The following XIRP2 variants were observed in gnomAD, a reference collection of about 807,000 sequenced individuals.
XIRP2 encodes the protein xin actin-binding repeat-containing protein 2.
Under a neutral mutation model 277.0 loss-of-function variants are expected in XIRP2, and 236 were observed. That is an observed-to-expected ratio of 0.85 (90% CI 0.77 to 0.95). The LOEUF is 0.95. Among genes scored for constraint, XIRP2 ranks in the 40% least tolerant of loss-of-function variants. XIRP2 has a pLI of 0.00. For missense variants in XIRP2, 4,640 were observed against 4,157.5 expected (o/e 1.12, Z -3.19); for synonymous variants, 1,490 against 1,416.5 (o/e 1.05, Z -1.17).
chr2:167,095,501 T>G (rs1690278404), intron 2 of XIRP2, among the ~76,000 whole-genome samples: 2 of 152,170 alleles, frequency 1.3e-5, no homozygotes, highest in South Asian at 4.1e-4. Flanking sequence ...AATACCTAGT[T>G]TATTGAGAGT....
chr2:167,080,636 A>C (rs1350806342), intron 2 of XIRP2, among the ~76,000 whole-genome samples: 2 of 152,220 alleles, frequency 1.3e-5, no homozygotes, highest in African/African-American at 4.8e-5. Flanking sequence ...AAAGGTTGAA[A>C]AACAAAAATA....
At chr2:167,230,652 C>G (rs544994617) in intron 5 of XIRP2, among the ~76,000 whole-genome samples, 13 of 152,166 alleles carry the variant, frequency 8.5e-5, no homozygotes, top group African/African-American at 3.1e-4. Flanking sequence ...ACTTGCATAG[C>G]ATTCTTCCCT....
intron 2 of XIRP2, among the ~76,000 whole-genome samples, chr2:167,076,721 T>A (rs981484135): frequency 6.6e-6 from 1 of 152,220 alleles, no homozygotes; most frequent in Admixed American, 6.5e-5. Flanking sequence ...AGATCCCCTG[T>A]GTTCATAAGC....
chr2:167,210,579 T>C (rs1355294910), intron 3 of XIRP2, among the ~76,000 whole-genome samples, 156 bp from the exon 4 acceptor site: 2 of 152,228 alleles, frequency 1.3e-5, no homozygotes, highest in Admixed American at 6.5e-5. Context: ...GCTTGAAAGC[T>C]TGAAGGAGAT....
rs1174533385 is a variant in XIRP2, at chr2:167,246,269, G to T, written c.4877G>T (p.Ser1626Ile). Residue 1626 changes from serine to isoleucine, a missense_variant, in exon 9 of 11, where the codon AGT (serine) becomes ATT (isoleucine). Ser to Ile is a moderately radical substitution (Grantham distance 142). Coordinates refer to ENST00000409195, the MANE Select transcript of XIRP2 (RefSeq NM_152381.6). The stretch of plus-strand genomic sequence containing the variant: ...TGTACTGAAAGAGAGATTTTGATTA[G>T]TGAAGAAGAGAAGGGAAATGTTAAT... ...RDCTEREILI[S>I]EEEKGNVNLT... is the part of the protein sequence containing the mutation. The T allele has an allele frequency of 2.5e-6, 4 of 1,613,258 alleles. No individual in the cohort carries two copies. The highest frequency in any genetic ancestry group is 3.4e-6 in the Non-Finnish European group (4 of 1,179,668).
At chr2:166,983,122 G>A (rs1470768613) in intron 2 of XIRP2, among the ~76,000 whole-genome samples, 1 of 152,074 alleles carries the variant, frequency 6.6e-6, no homozygotes, top group African/African-American at 2.4e-5. Flanking sequence ...GATTCAATAT[G>A]AGCTACTTGG....
intron 3 of XIRP2, among the ~76,000 whole-genome samples, chr2:167,141,567 C>G (rs1560342): frequency 1.3e-5 from 2 of 152,012 alleles, no homozygotes; most frequent in African/African-American, 4.8e-5. Flanking sequence ...ATCAGCCACA[C>G]GGGAAGGTGA....
chr2:167,170,473 A>G (rs1692654428), intron 3 of XIRP2, among the ~76,000 whole-genome samples: 2 of 152,214 alleles, frequency 1.3e-5, no homozygotes, highest in Admixed American at 1.3e-4. Context: ...AATTAAAATT[A>G]CAATTCATTT....
chr2:167,201,230 G>T (rs1348437520), intron 3 of XIRP2, among the ~76,000 whole-genome samples: 2 of 102,638 alleles, frequency 1.9e-5, no homozygotes, highest in Non-Finnish European at 3.5e-5. Context: ...AAGAAAGAAA[G>T]AAAGAAAGAA....
In XIRP2 at chr2:167,247,869, C is replaced by T; in HGVS notation, c.6477C>T (p.Ser2159=). 2 of 1,613,550 alleles carry T rather than the reference C, an allele frequency of 1.2e-6. No homozygotes were observed. Among genetic ancestry groups the T allele is most frequent in the Non-Finnish European group, 1.7e-6 (2 of 1,179,756 alleles). Residue 2159 remains serine, a synonymous_variant, in exon 9 of 11, where the codon TCC becomes TCT. Transcript: ENST00000409195. ...NIKILTDTQS[S]KPSPTQHPVS... is the part of the protein sequence containing the mutation. ...AAATATTAACTGATACACAAAGCTC[C>T]AAGCCCAGTCCCACCCAGCATCCAG...
rs1173291393 is a variant in XIRP2, at chr2:166,979,369, C to CTTTTCT, written c.408+75483_408+75484insCTTTTT. ...CTTTTCTTTTCTTTTCTTTTCTTTT[C>CTTTTCT]TTTTTTTTTTTTTTTTTTGCTTCAG... On this transcript the variant is annotated intron_variant, in intron 2 of 10. Coordinates refer to ENST00000409195, the MANE Select transcript of XIRP2 (RefSeq NM_152381.6). Among the ~76,000 whole-genome samples the CTTTTCT allele has an allele frequency of 2.7e-3, 291 of 108,522 alleles. 2 individuals carry two copies. The highest frequency in any genetic ancestry group is 3.8e-3 in the Non-Finnish European group (200 of 52,360). The allele number at this position is 108,522 out of a possible 152,430, so 71.2% of individuals were successfully genotyped here. A position where few individuals can be genotyped will look rare whatever the true frequency, so the allele number is the denominator to read the frequency against.
rs1273948596 is a variant in XIRP2 at position 167,041,747 on chromosome 2, C to A, written c.409-94162C>A. 1.3e-5 allele frequency among the ~76,000 whole-genome samples: 2 copies of A among 152,044 alleles called. 1 individual carries two copies. Among genetic ancestry groups the A allele is most frequent in the South Asian group, 4.1e-4 (2 of 4,828 alleles). ...GAGACAGAGAGAGAGAGAGAGGGCACGTGTGCAACTTGGAAAACATATTTA... is the reference window on the plus strand; with the variant it reads ...GAGACAGAGAGAGAGAGAGAGGGCAAGTGTGCAACTTGGAAAACATATTTA... On this transcript the variant is annotated intron_variant, in intron 2 of 10. Coordinates refer to ENST00000409195, the MANE Select transcript of XIRP2 (RefSeq NM_152381.6).
chr2:167,048,010 A>G (rs896194326), intron 2 of XIRP2, among the ~76,000 whole-genome samples: 3 of 152,022 alleles, frequency 2.0e-5, no homozygotes, highest in Admixed American at 6.6e-5. Flanking sequence ...ACTTAATATT[A>G]CAGCTATCCA....
Position 167,007,697 on chromosome 2 carries a change from TCTCTCTCACA to T in XIRP2, c.408+103809_408+103818del, listed in dbSNP as rs756287618. The stretch of plus-strand genomic sequence containing the variant: ...CATGTACACTCTCTCTCTCTCTCTC[TCTCTCTCACA>T]CACACACACACACACACACACACAC... On this transcript the variant is annotated intron_variant, in intron 2 of 10. Transcript: ENST00000409195. Among the ~76,000 whole-genome samples, 16 of 120,922 alleles carry T rather than the reference TCTCTCTCACA, an allele frequency of 1.3e-4. No homozygotes were observed. The South Asian group carries it at 1.4e-3, about 11-fold the overall frequency. 79.3% of individuals were successfully genotyped at this position (120,922 alleles called of 152,430 possible).
chr2:167,053,034 A>G (rs1335912309), intron 2 of XIRP2, among the ~76,000 whole-genome samples: 1 of 152,214 alleles, frequency 6.6e-6, no homozygotes, highest in Non-Finnish European at 1.5e-5. Context: ...TAGTTAATGC[A>G]TGACTCAGAC....
In XIRP2 at chr2:167,244,467, C is replaced by T; in HGVS notation, c.3075C>T (p.Pro1025=). The change falls in exon 9 of 11, where the codon CCC becomes CCT. Residue 1025 remains proline, a synonymous_variant. Coordinates refer to ENST00000409195, the MANE Select transcript of XIRP2 (RefSeq NM_152381.6). ...RSCRWLFETR[P]IDQFDESIHK... Reference sequence around the variant, plus strand: ...GTAGGTGGCTTTTTGAAACAAGGCCCATTGACCAGTTTGATGAAAGCATTC... The same window carrying T: ...GTAGGTGGCTTTTTGAAACAAGGCCTATTGACCAGTTTGATGAAAGCATTC... 2 of 1,613,636 alleles carry T rather than the reference C, an allele frequency of 1.2e-6. No homozygotes were observed. The highest frequency in any genetic ancestry group is 1.7e-6 in the Non-Finnish European group (2 of 1,179,760).
chr2:167,218,189 C>G lies in XIRP2; in HGVS notation c.747C>G (p.Cys249Trp), dbSNP rs778378248. ...SANMMEESEM[C>W]AVPGGLAKVK... ...AGATGATGGAAGAATCAGAAATGTG[C>G]GCAGTGCCTGGTGGTTTGGCCAAGG... is the stretch of plus-strand genomic sequence containing the variant. The change falls in exon 5 of 11, where the codon TGC becomes TGG. Residue 249 changes from cysteine (C) to tryptophan (W), a missense_variant. Physicochemically the swap from Cys to Trp is radical, Grantham distance 215. Coordinates refer to ENST00000409195, the MANE Select transcript of XIRP2 (RefSeq NM_152381.6). 6.3e-7 allele frequency: 1 copy of G among 1,598,830 alleles called. No individual in the cohort carries two copies. The highest frequency in any genetic ancestry group is 1.3e-5 in the African/African-American group (1 of 74,410).
intron 2 of XIRP2, among the ~76,000 whole-genome samples, chr2:167,037,518 G>GT (rs1553481077): frequency 0.033 from 4,197 of 126,406 alleles, 91 homozygotes; most frequent in African/African-American, 0.07. Flanking sequence ...TCATGTGGGG[G>GT]GTGTGTGTGT....
At chr2:166,925,339 G>A (rs752008383) in intron 2 of XIRP2, among the ~76,000 whole-genome samples, 2 of 151,780 alleles carry the variant, frequency 1.3e-5, no homozygotes, top group South Asian at 4.1e-4. Context: ...AATGACTGAT[G>A]CATTCAGAGA....
Sources: gnomAD v4.1 joint callset for allele counts (sites outside exome capture counted in the v4.1 genomes callset) on GRCh38, gnomAD v4.1.1 for gene constraint, MANE v1.5 for transcripts, NCBI Gene and HGNC (gene_info 2026-07-23, HGNC 2026-07-21) for gene names.